Variants in RBPJ observed in about 807,000 individuals in gnomAD.
The protein encoded by RBPJ is recombining binding protein suppressor of hairless.
RBPJ carries 9 observed loss-of-function variants against 67.8 expected under a neutral mutation model. That is an observed-to-expected ratio of 0.13 (90% CI 0.08 to 0.23). The LOEUF (loss-of-function observed/expected upper bound fraction) is 0.23, where lower values mean the gene tolerates loss of function less well. RBPJ is among the 10% of genes least tolerant of loss of function. The probability of loss-of-function intolerance (pLI) is 1.00; values close to 1 mark genes in which losing one functional copy is unlikely to be tolerated. For missense variants in RBPJ, 305 were observed against 595.6 expected (o/e 0.51, Z 5.08); for synonymous variants, 198 against 203.3 (o/e 0.97, Z 0.22).
intron 1 of RBPJ, among the ~76,000 whole-genome samples, chr4:26,308,192 C>T (rs945650647): frequency 8.5e-5 from 13 of 152,068 alleles, no homozygotes; most frequent in Admixed American, 2.0e-4. Context: ...GGGAGAATGG[C>T]GTGAGCCCGG....
At chr4:26,124,461 T>TATATATAC in the RBPJ span, among the ~76,000 whole-genome samples, 14 of 121,336 alleles carry the variant, frequency 1.2e-4, no homozygotes, top group East Asian at 5.4e-4. Flanking sequence ...TATATATATA[T>TATATATAC]ACCAGTTTCT....
At chr4:26,346,706 TG>T (rs1726184468) in intron 1 of RBPJ, among the ~76,000 whole-genome samples, 1 of 152,126 alleles carries the variant, frequency 6.6e-6, no homozygotes, top group Admixed American at 6.6e-5. Context: ...CAGGCTGTAT[TG>T]GCCGGGCGCT....
At chr4:26,306,319 G>A (rs960285986) in intron 1 of RBPJ, among the ~76,000 whole-genome samples, 1 of 152,040 alleles carries the variant, frequency 6.6e-6, no homozygotes, top group Non-Finnish European at 1.5e-5. Flanking sequence ...ACTTTTATCA[G>A]GTTGAGAAAG....
the RBPJ span, chr4:26,113,428 A>G: frequency 1.8e-6 from 1 of 548,090 alleles, no homozygotes. Context: ...AATGGGGAAA[A>G]GCCTTTTGCC....
intron 1 of RBPJ, among the ~76,000 whole-genome samples, chr4:26,334,100 A>T (rs1418239565): frequency 3.4e-5 from 5 of 148,804 alleles, no homozygotes; most frequent in African/African-American, 5.0e-5. Flanking sequence ...GAGCGCAGTG[A>T]TGCTATCCTG....
upstream of RBPJ, chr4:26,320,887 G>C (rs935071357): frequency 1.3e-5 from 20 of 1,582,938 alleles, no homozygotes; most frequent in Admixed American, 2.6e-4. Context: ...GGCTCTTCGC[G>C]GCGGCGGCGA....
the RBPJ span, among the ~76,000 whole-genome samples, chr4:26,142,913 C>G: frequency 1.3e-5 from 2 of 152,174 alleles, no homozygotes; most frequent in Non-Finnish European, 2.9e-5. Flanking sequence ...TCCCAGGTAG[C>G]TGGGATTACA....
chr4:26,423,136 A>G (rs779879540), intron 5 of RBPJ, among the ~76,000 whole-genome samples: 1 of 152,220 alleles, frequency 6.6e-6, no homozygotes, highest in Non-Finnish European at 1.5e-5. Flanking sequence ...GCGTGGGCCT[A>G]GTTGGAAAGA....
At chr4:26,155,196 A>T in the RBPJ span, among the ~76,000 whole-genome samples, 2 of 152,218 alleles carry the variant, frequency 1.3e-5, no homozygotes, top group African/African-American at 4.8e-5. Context: ...TACTTATTAC[A>T]TGAAATCATG....
At chr4:26,179,778 G>A (rs1258139581) in intron 1 of RBPJ, among the ~76,000 whole-genome samples, 1 of 152,168 alleles carries the variant, frequency 6.6e-6, no homozygotes, top group Non-Finnish European at 1.5e-5. Flanking sequence ...AAGGGCTAAA[G>A]ACAAGAACTA....
the RBPJ span, among the ~76,000 whole-genome samples, chr4:26,126,855 T>C: frequency 2.6e-5 from 4 of 152,158 alleles, no homozygotes; most frequent in African/African-American, 9.7e-5. Context: ...ATATGGACAG[T>C]GGAAAAGCCT....
At chr4:26,398,167 A>G (rs1732352449) in intron 2 of RBPJ, among the ~76,000 whole-genome samples, 1 of 152,064 alleles carries the variant, frequency 6.6e-6, no homozygotes, top group Non-Finnish European at 1.5e-5. Flanking sequence ...TTGGACTTTT[A>G]TTATTTGGAT....
chr4:26,408,391 TC>T (rs957446121), intron 3 of RBPJ, among the ~76,000 whole-genome samples: 30 of 151,870 alleles, frequency 2.0e-4, no homozygotes, highest in Admixed American at 7.2e-4. Context: ...AAATTAGTGG[TC>T]CTTTTTTTTT....
At chr4:26,299,679 T>G (rs1722006870) in intron 1 of RBPJ, among the ~76,000 whole-genome samples, 1 of 142,424 alleles carries the variant, frequency 7.0e-6, no homozygotes. Flanking sequence ...GTGCTTTTTT[T>G]TTTTTTTTTT....
chr4:26,142,772 ATG>A, the RBPJ span, among the ~76,000 whole-genome samples: 36 of 150,810 alleles, frequency 2.4e-4, no homozygotes, highest in South Asian at 6.3e-4. Context: ...GTGTGTGTGT[ATG>A]TGTGTGTGTG....
chr4:26,325,548 A>G (rs541591490), intron 1 of RBPJ, among the ~76,000 whole-genome samples: 3 of 152,366 alleles, frequency 2.0e-5, no homozygotes, highest in East Asian at 1.9e-4. Flanking sequence ...TATCAATTGC[A>G]AGATAATTAT....
intron 1 of RBPJ, among the ~76,000 whole-genome samples, chr4:26,355,164 A>G (rs573000538): frequency 1.3e-5 from 2 of 152,138 alleles, no homozygotes; most frequent in East Asian, 3.9e-4. Flanking sequence ...TACCTAAGCC[A>G]CTGCCCACCT....
chr4:26,249,066 C>T (rs1577356676), intron 1 of RBPJ, among the ~76,000 whole-genome samples: 1 of 152,118 alleles, frequency 6.6e-6, no homozygotes, highest in Admixed American at 6.6e-5. Flanking sequence ...TTGCCTAGCA[C>T]AGTGCCTTGT....
intron 1 of RBPJ, among the ~76,000 whole-genome samples, chr4:26,241,203 T>TA (rs749378144): frequency 0.048 from 4,716 of 97,972 alleles, 120 homozygotes; most frequent in African/African-American, 0.11. Flanking sequence ...TCTCCAAAAA[T>TA]AAAAAAAAAA....
Sources: allele counts gnomAD v4.1 joint callset (sites outside exome capture counted in the v4.1 genomes callset), GRCh38; gene constraint gnomAD v4.1.1; transcripts MANE v1.5; gene names NCBI Gene and HGNC (gene_info 2026-07-23, HGNC 2026-07-21).